Variants in PKD2L1 observed in about 807,000 individuals in gnomAD.
PKD2L1 encodes polycystin 2 like 1, transient receptor potential cation channel.
A neutral mutation model predicts 93.0 loss-of-function variants in PKD2L1; 77 were observed. The ratio of observed to expected loss-of-function variants is 0.83; its 90% CI spans 0.69 to 1.00. PKD2L1 has a LOEUF of 1.00. PKD2L1 is among the 50% of genes least tolerant of loss of function. The pLI, the probability that PKD2L1 is intolerant of heterozygous loss-of-function variation, is 0.00. For missense variants in PKD2L1, 977 were observed against 990.9 expected (o/e 0.99, Z 0.19); for synonymous variants, 390 against 388.0 (o/e 1.01, Z -0.06).
At position 100,297,212 on chromosome 10, in the gene PKD2L1, TA is replaced by T. The variant is rs113759546; in HGVS notation, c.957-5del. 4.0e-5 allele frequency: 64 copies of T among 1,612,754 alleles called. No individual in the cohort carries two copies. In the African/African-American group the frequency reaches 7.5e-4, roughly 19 times the overall value. On this transcript the variant is annotated splice_polypyrimidine_tract_variant and splice_region_variant and intron_variant, in intron 5 of 15. Transcript: ENST00000318222. The stretch of plus-strand genomic sequence containing the variant: ...AGCTGGAAACTCCACCACCAGCCTA[TA>T]GGGGGAGGGGGAGATGACCTCCAGT...
intron 2 of PKD2L1, among the ~76,000 whole-genome samples, chr10:100,300,935 C>A (rs1848660774): frequency 6.6e-6 from 1 of 152,050 alleles, no homozygotes; most frequent in South Asian, 2.1e-4. Flanking sequence ...ATCGGGGGAA[C>A]CTGCCCCCGA....
intron 14 of PKD2L1, 129 bp downstream of exon 14, chr10:100,289,886 A>C: frequency 9.1e-7 from 1 of 1,099,212 alleles, no homozygotes; most frequent in Non-Finnish European, 1.3e-6. Flanking sequence ...ACTAACCGCT[A>C]TGAACATGTT....
chr10:100,323,725 T>C (rs1010239156), intron 2 of PKD2L1, among the ~76,000 whole-genome samples: 1 of 152,260 alleles, frequency 6.6e-6, no homozygotes, highest in African/African-American at 2.4e-5. Flanking sequence ...AAAGATATAA[T>C]ACATTATTAT....
At chr10:100,295,864 C>T (rs1158989341) in intron 7 of PKD2L1, among the ~76,000 whole-genome samples, 21 of 150,944 alleles carry the variant, frequency 1.4e-4, no homozygotes, top group African/African-American at 4.4e-4. Flanking sequence ...GGTGAAACCC[C>T]GTCTCCACAA....
intron 9 of PKD2L1, 41 bp from the exon 10 acceptor site, chr10:100,293,420 C>A: frequency 7.7e-7 from 1 of 1,295,768 alleles, no homozygotes; most frequent in South Asian, 1.2e-5. Flanking sequence ...ACCCCCAGAC[C>A]CACTGAAAGG....
At chr10:100,295,223 C>T in intron 7 of PKD2L1, 100 bp from the exon 8 acceptor site, 2 of 872,700 alleles carry the variant, frequency 2.3e-6, no homozygotes, top group Non-Finnish European at 3.7e-6. Flanking sequence ...GTTGCCAAGC[C>T]AGACAAAGAA....
intron 2 of PKD2L1, among the ~76,000 whole-genome samples, chr10:100,308,208 A>G (rs1848849278): frequency 6.6e-6 from 1 of 152,182 alleles, no homozygotes; most frequent in African/African-American, 2.4e-5. Context: ...AATAATAACA[A>G]CAACCACCAT....
chr10:100,306,034 A>C (rs1848792718), intron 2 of PKD2L1, among the ~76,000 whole-genome samples: 1 of 151,958 alleles, frequency 6.6e-6, no homozygotes, highest in Non-Finnish European at 1.5e-5. Flanking sequence ...AAAATACATA[A>C]ATTAGCCGGG....
At chr10:100,307,177 G>A (rs1848823412) in intron 2 of PKD2L1, among the ~76,000 whole-genome samples, 1 of 152,180 alleles carries the variant, frequency 6.6e-6, no homozygotes. Context: ...TTAAGTGCTT[G>A]ACATGCTTAT....
At chr10:100,304,043 C>T (rs377037448) in intron 2 of PKD2L1, among the ~76,000 whole-genome samples, 20 of 152,332 alleles carry the variant, frequency 1.3e-4, no homozygotes, top group East Asian at 1.2e-3. Context: ...AAATATTACA[C>T]GTCTTCTGAG....
chr10:100,298,672 A>C lies in PKD2L1; in HGVS notation c.621T>G (p.Asn207Lys), dbSNP rs752437681. ...VPRLRQLKVRNDSCVVHEDFR... is the reference protein window; with the variant it reads ...VPRLRQLKVRKDSCVVHEDFR... ...AGTCTTCATGCACCACACAGGAGTC[A>C]TTGCGGACCTTTAGCTGCCGCAGCC... Residue 207 changes from asparagine to lysine, a missense_variant, in exon 4 of 16, where the codon AAT (asparagine) becomes AAG (lysine). By Grantham distance (94) the Asn-to-Lys change is moderately conservative. Transcript: ENST00000318222. 7 of 1,614,068 alleles carry C rather than the reference A, an allele frequency of 4.3e-6. No individual in the cohort carries two copies. Among genetic ancestry groups the C allele is most frequent in the African/African-American group, 1.3e-5 (1 of 74,930 alleles).
chr10:100,322,369 A>C (rs1027987225), intron 2 of PKD2L1, among the ~76,000 whole-genome samples: 6 of 152,222 alleles, frequency 3.9e-5, no homozygotes, highest in African/African-American at 1.4e-4. Context: ...TCTACTAAAA[A>C]TACAAAAATT....
rs543043472 is a variant in PKD2L1, at chr10:100,329,756, C to A, written c.235+113G>T. On this transcript the variant is annotated intron_variant, in intron 1 of 15. Coordinates refer to ENST00000318222, the MANE Select transcript of PKD2L1 (RefSeq NM_016112.3). ...GCAATTCATACACCCCAAAGTGACACCGAAAGGTCACCTCTTCTTCAGATC... is the reference window on the plus strand; with the variant it reads ...GCAATTCATACACCCCAAAGTGACAACGAAAGGTCACCTCTTCTTCAGATC... The A allele has an allele frequency of 5.4e-6, 4 of 743,982 alleles. No individual in the cohort carries two copies. In the Admixed American group the frequency reaches 9.6e-5, roughly 18 times the overall value. 46.1% of individuals were successfully genotyped at this position (743,982 alleles called of 1,614,324 possible).
intron 14 of PKD2L1, 100 bp downstream of exon 14, chr10:100,289,915 C>G: frequency 7.5e-7 from 1 of 1,341,630 alleles, no homozygotes. Flanking sequence ...AGCCTGAAAA[C>G]ATAGGTCTTT....
At chr10:100,316,463 G>T (rs2133564883) in intron 2 of PKD2L1, among the ~76,000 whole-genome samples, 1 of 152,338 alleles carries the variant, frequency 6.6e-6, no homozygotes, top group South Asian at 2.1e-4. Context: ...GAGCCATCTT[G>T]CCCAGCCTTG....
intron 3 of PKD2L1, among the ~76,000 whole-genome samples, chr10:100,299,059 C>T (rs1421359605): frequency 5.3e-5 from 8 of 152,186 alleles, no homozygotes; most frequent in Middle Eastern, 3.4e-3. Flanking sequence ...CAGGTTCAAG[C>T]GATTCTCCTG....
At chr10:100,327,550 T>C (rs1326243995) in intron 2 of PKD2L1, among the ~76,000 whole-genome samples, 2 of 152,204 alleles carry the variant, frequency 1.3e-5, no homozygotes, top group African/African-American at 4.8e-5. Context: ...AACAGTCCTG[T>C]TCCAGAGGCT....
rs1848319883 is a variant in PKD2L1, at chr10:100,288,299, C to G, written c.*97G>C. 1.3e-6 allele frequency: 1 copy of G among 760,828 alleles called. No individual in the cohort carries two copies. The highest frequency in any genetic ancestry group is 2.5e-5 in the East Asian group (1 of 40,794). The allele number at this position is 760,828 out of a possible 1,614,324, so 47.1% of individuals were successfully genotyped here. On this transcript the variant is annotated 3_prime_UTR_variant, in exon 16 of 16. Transcript: ENST00000318222. Reference sequence around the variant, plus strand: ...TTCCCTTCAGGCTCCATTTTTATCTCCTGGTTAAAGCCCACTCAGTTTCCA... The same window carrying G: ...TTCCCTTCAGGCTCCATTTTTATCTGCTGGTTAAAGCCCACTCAGTTTCCA...
At chr10:100,291,625 C>T (rs1000851580) in intron 11 of PKD2L1, among the ~76,000 whole-genome samples, 198 bp from the exon 12 acceptor site, 1 of 152,160 alleles carries the variant, frequency 6.6e-6, no homozygotes, top group South Asian at 2.1e-4. Flanking sequence ...TCCTGCTCAC[C>T]AGGTTCAGGG....
Sources: gnomAD v4.1 joint callset for allele counts (sites outside exome capture counted in the v4.1 genomes callset) on GRCh38, gnomAD v4.1.1 for gene constraint, MANE v1.5 for transcripts, NCBI Gene and HGNC (gene_info 2026-07-23, HGNC 2026-07-21) for gene names.